Variants in RIC3 observed in about 807,000 individuals in gnomAD.
RIC3 encodes the protein RIC3 acetylcholine receptor chaperone.
Under a neutral mutation model 27.3 loss-of-function variants are expected in RIC3, and 28 were observed. The ratio of observed to expected loss-of-function variants is 1.02; its 90% CI spans 0.76 to 1.41. The LOEUF is 1.41. Among genes scored for constraint, RIC3 ranks in the 40% most tolerant of loss-of-function variants. The pLI, the probability that RIC3 is intolerant of heterozygous loss-of-function variation, is 0.00. For missense variants in RIC3, 501 were observed against 444.7 expected, an observed-to-expected ratio of 1.13 and a Z score of -1.14; for synonymous variants, 184 against 160.4, an observed-to-expected ratio of 1.15 and a Z score of -1.11.
chr11:8,160,998 G>A (rs980689170), intron 1 of RIC3, among the ~76,000 whole-genome samples: 8 of 152,198 alleles, frequency 5.3e-5, no homozygotes, highest in African/African-American at 1.9e-4. Context: ...GCCCAGGAGA[G>A]AGGTCTGTGC....
chr11:8,100,407 T>C, the RIC3 span: 1 of 930,792 alleles, frequency 1.1e-6, no homozygotes, highest in African/African-American at 1.6e-5. Context: ...GTGGAGATGG[T>C]GGGAACTAGC....
At chr11:8,134,959 G>C (rs557041757) in intron 4 of RIC3, among the ~76,000 whole-genome samples, 1 of 152,150 alleles carries the variant, frequency 6.6e-6, no homozygotes, top group Non-Finnish European at 1.5e-5. Flanking sequence ...TCACTCTGAC[G>C]GTAGTTTCTT....
chr11:8,138,429 AGGTTGGGAAAC>A, intron 2 of RIC3, 82 bp from the exon 3 acceptor site: 1 of 820,398 alleles, frequency 1.2e-6, no homozygotes, highest in Non-Finnish European at 2.0e-6. Flanking sequence ...CAAAAAAAAA[AGGTTGGGAAAC>A]AAAAATGAAG....
intron 4 of RIC3, among the ~76,000 whole-genome samples, chr11:8,136,231 C>T (rs547299315): frequency 1.3e-5 from 2 of 152,264 alleles, no homozygotes; most frequent in East Asian, 3.9e-4. Context: ...CAGGCAAGGC[C>T]GAAGCCAGTG....
At position 8,126,639 on chromosome 11, in the gene RIC3, A is replaced by G. The variant is rs1426190926; in HGVS notation, c.670+20T>C. ...TTTCTGGGCTGACAGCTAACAAAAA[A>G]ATGAGAAGACACTGTTTACCTTCCC... On this transcript the variant is annotated intron_variant, in intron 5 of 5. Coordinates refer to ENST00000309737, the MANE Select transcript of RIC3 (RefSeq NM_001206671.4). The G allele has an allele frequency of 6.2e-7, 1 of 1,611,484 alleles. No individual in the cohort carries two copies. The highest frequency in any genetic ancestry group is 1.3e-5 in the African/African-American group (1 of 74,902).
At chr11:8,166,322 G>A (rs1951692851) in intron 1 of RIC3, among the ~76,000 whole-genome samples, 1 of 152,174 alleles carries the variant, frequency 6.6e-6, no homozygotes, top group African/African-American at 2.4e-5. Flanking sequence ...TATGTGCACA[G>A]TATGTGATAT....
rs770015838 is a variant in RIC3 at position 8,137,465 on chromosome 11, A to G, written c.434T>C (p.Phe145Ser). Residue 145 changes from phenylalanine (F) to serine (S), a missense_variant, in exon 4 of 6, where the codon TTT becomes TCT. Physicochemically the swap from Phe to Ser is radical, Grantham distance 155. Transcript: ENST00000309737. The part of the protein sequence containing the change: ...PGNTHRKITS[F>S]ELAQLQEKLK... ...TTTTTCTTGCAGTTGAGCAAGCTCA[A>G]AACTGGCTAAAAAATAAGCAACAAT... 9.3e-6 allele frequency: 15 copies of G among 1,613,764 alleles called. 1 individual carries two copies. In the South Asian group the frequency reaches 1.5e-4, roughly 17 times the overall value.
At chr11:8,095,745 C>T in the RIC3 span, 2 of 1,447,158 alleles carry the variant, frequency 1.4e-6, no homozygotes, top group Non-Finnish European at 1.9e-6. Context: ...GGAGCATGGC[C>T]TTCCTGTGTC....
chr11:8,151,565 G>C (rs193132227), intron 1 of RIC3, among the ~76,000 whole-genome samples: 1 of 104,978 alleles, frequency 9.5e-6, no homozygotes, highest in African/African-American at 4.8e-5. Context: ...CAGCCTGGGC[G>C]ACAGAGTGAA....
chr11:8,156,636 T>C (rs1950681000), intron 1 of RIC3, among the ~76,000 whole-genome samples: 1 of 152,206 alleles, frequency 6.6e-6, no homozygotes, highest in Non-Finnish European at 1.5e-5. Context: ...GCTTTGAACC[T>C]GACTTTCACC....
chr11:8,100,702 C>T, the RIC3 span: 11 of 1,480,774 alleles, frequency 7.4e-6, no homozygotes, highest in African/African-American at 1.4e-4. Flanking sequence ...TGGAGGGGTA[C>T]CATGTGAGAA....
intron 4 of RIC3, among the ~76,000 whole-genome samples, chr11:8,132,741 T>A (rs1256910633): frequency 3.3e-5 from 5 of 152,218 alleles, no homozygotes; most frequent in African/African-American, 1.2e-4. Flanking sequence ...GAATATTATA[T>A]AAAAGGACTT....
intron 5 of RIC3, among the ~76,000 whole-genome samples, chr11:8,118,149 G>T (rs1400875157): frequency 6.6e-6 from 1 of 151,046 alleles, no homozygotes; most frequent in African/African-American, 2.4e-5. Flanking sequence ...CGTGAACCTG[G>T]GAAGTGGAGC....
At chr11:8,141,369 G>A (rs1347597300) in intron 1 of RIC3, among the ~76,000 whole-genome samples, 1 of 152,078 alleles carries the variant, frequency 6.6e-6, no homozygotes, top group Non-Finnish European at 1.5e-5. Flanking sequence ...AAAAAGGCAG[G>A]GGTTGCAGTC....
chr11:8,098,819 T>C, the RIC3 span: 5 of 1,614,092 alleles, frequency 3.1e-6, no homozygotes, highest in African/African-American at 6.7e-5. Context: ...TCAGAAGGCC[T>C]CATCCTCCAC....
At position 8,138,270 on chromosome 11, in the gene RIC3, A is replaced by G; in HGVS notation, c.427+2T>C. On this transcript the variant is annotated splice_donor_variant, in intron 3 of 5. Coordinates refer to ENST00000309737, the MANE Select transcript of RIC3 (RefSeq NM_001206671.4). LOFTEE classifies it high-confidence loss of function. ...GTGAATATACTGAGAAGGGGCACTT[A>G]CTAATTTTCCTGTGGGTGTTTCCAG... The G allele has an allele frequency of 6.2e-7, 1 of 1,607,256 alleles. No individual in the cohort carries two copies. Among genetic ancestry groups the G allele is most frequent in the Non-Finnish European group, 8.5e-7 (1 of 1,173,780 alleles).
intron 5 of RIC3, among the ~76,000 whole-genome samples, chr11:8,114,467 G>A (rs920058020): frequency 8.5e-5 from 13 of 152,162 alleles, no homozygotes; most frequent in East Asian, 1.9e-4. Context: ...TTAGCCGGGC[G>A]TGGTGGCAGG....
the RIC3 span, among the ~76,000 whole-genome samples, chr11:8,099,751 A>G: frequency 1.5e-4 from 23 of 152,334 alleles, no homozygotes; most frequent in Non-Finnish European, 2.8e-4. Flanking sequence ...AGAATTTCAG[A>G]ATGGCAGGGA....
chr11:8,096,653 C>G, the RIC3 span: 1 of 1,456,970 alleles, frequency 6.9e-7, no homozygotes, highest in African/African-American at 1.4e-5. Flanking sequence ...ACTTCTCCTC[C>G]TTCATCCCTT....
Sources: allele counts gnomAD v4.1 joint callset (sites outside exome capture counted in the v4.1 genomes callset), GRCh38; gene constraint gnomAD v4.1.1; transcripts MANE v1.5; gene names NCBI Gene and HGNC (gene_info 2026-07-23, HGNC 2026-07-21).